The following KIAA1671 variants were observed in gnomAD, a reference collection of about 807,000 sequenced individuals.
KIAA1671 encodes KIAA1671.
In KIAA1671, 52 loss-of-function variants were observed where a neutral mutation model predicts 131.2. The ratio of observed to expected loss-of-function variants is 0.40; its 90% confidence interval spans 0.32 to 0.50. KIAA1671 has a LOEUF of 0.50. KIAA1671 is among the 20% of genes least tolerant of loss of function. The pLI, the probability that KIAA1671 is intolerant of heterozygous loss-of-function variation, is 0.73. For missense variants in KIAA1671, 2,360 were observed against 2,364.2 expected (o/e 1.00, Z 0.04); for synonymous variants, 1,003 against 961.6 (o/e 1.04, Z -0.80).
intron 1 of KIAA1671, among the ~76,000 whole-genome samples, chr22:25,019,631 C>T (rs1246225513): frequency 6.6e-6 from 1 of 150,870 alleles, no homozygotes; most frequent in East Asian, 1.9e-4. Context: ...TGTTCTCTTC[C>T]AGACCTCTGT....
chr22:25,055,700 T>C (rs1927792952), intron 6 of KIAA1671: 1 of 150,140 alleles, frequency 6.7e-6, no homozygotes, highest in Admixed American at 6.6e-5. Flanking sequence ...GGCAGAAATG[T>C]CCGTTCAAGT....
At chr22:25,100,939 A>G (rs542335813) in intron 6 of KIAA1671, among the ~76,000 whole-genome samples, 49 of 152,296 alleles carry the variant, frequency 3.2e-4, no homozygotes, top group African/African-American at 1.2e-3. Flanking sequence ...ATAATCTCGG[A>G]GTGTTGCTTA....
intron 6 of KIAA1671, among the ~76,000 whole-genome samples, chr22:25,066,243 G>A (rs1159931326): frequency 6.6e-6 from 1 of 152,086 alleles, no homozygotes; most frequent in Admixed American, 6.5e-5. Flanking sequence ...CAAACTCTTG[G>A]GCTTGAGCAA....
At chr22:25,072,218 G>T (rs968794809) in intron 6 of KIAA1671, among the ~76,000 whole-genome samples, 6 of 152,128 alleles carry the variant, frequency 3.9e-5, no homozygotes, top group African/African-American at 1.2e-4. Context: ...GGGCAGTAAT[G>T]CCCTCAGCCT....
intron 1 of KIAA1671, among the ~76,000 whole-genome samples, chr22:24,984,912 C>CAA (rs60969204): frequency 0.021 from 1,136 of 54,086 alleles, 52 homozygotes; most frequent in African/African-American, 0.057. Flanking sequence ...GACTACGTCT[C>CAA]AAAAAAAAAA....
chr22:25,099,537 GTTTTTTTGTTTTTTTTTT>G lies in KIAA1671; in HGVS notation c.4530+50181_4530+50198del, dbSNP rs1174891036. ...TATAAGTTTGTCTTTCAAAATGTGG[GTTTTTTTGTTTTTTTTTT>G]TTTTTTTTTTTTTTTTTTAGATAGA... On this transcript the variant is annotated intron_variant, in intron 6 of 12. Transcript: ENST00000358431. Among the ~76,000 whole-genome samples the G allele has an allele frequency of 3.8e-3, 425 of 112,138 alleles. 10 individuals carry two copies. The South Asian group carries it at 0.045, about 12-fold the overall frequency. The allele number at this position is 112,138 out of a possible 152,430, so 73.6% of individuals were successfully genotyped here.
chr22:25,144,993 C>T (rs1932855734), intron 6 of KIAA1671, among the ~76,000 whole-genome samples: 1 of 152,208 alleles, frequency 6.6e-6, no homozygotes, highest in Non-Finnish European at 1.5e-5. Flanking sequence ...CCCTTTTGCT[C>T]TCAGAGTCCT....
At chr22:25,110,629 C>T (rs1458300331) in intron 6 of KIAA1671, among the ~76,000 whole-genome samples, 1 of 152,202 alleles carries the variant, frequency 6.6e-6, no homozygotes. Flanking sequence ...CTGCTGCCCA[C>T]CCCCTTCTAA....
chr22:25,065,443 C>T (rs551969226), intron 6 of KIAA1671, among the ~76,000 whole-genome samples: 4 of 152,018 alleles, frequency 2.6e-5, no homozygotes, highest in Non-Finnish European at 1.5e-5. Context: ...CATAGGAATG[C>T]GGGCCACTTC....
At chr22:24,955,176 C>A (rs900707674) in intron 1 of KIAA1671, among the ~76,000 whole-genome samples, 15 of 152,224 alleles carry the variant, frequency 9.9e-5, no homozygotes, top group Non-Finnish European at 2.1e-4. Flanking sequence ...ACATCTCTGA[C>A]CAACTCAGAA....
chr22:25,188,117 A>G (rs1302432890), intron 11 of KIAA1671, among the ~76,000 whole-genome samples: 1 of 152,148 alleles, frequency 6.6e-6, no homozygotes, highest in East Asian at 1.9e-4. Context: ...TGGCTAACGC[A>G]GTGAAACCCC....
At chr22:25,149,680 C>T (rs1159041229) in intron 6 of KIAA1671, among the ~76,000 whole-genome samples, 1 of 152,198 alleles carries the variant, frequency 6.6e-6, no homozygotes, top group Non-Finnish European at 1.5e-5. Context: ...TCTGTGGCCT[C>T]TCACCTGGAC....
intron 6 of KIAA1671, among the ~76,000 whole-genome samples, chr22:25,078,121 A>G (rs1276268349): frequency 6.6e-6 from 1 of 152,196 alleles, no homozygotes; most frequent in Non-Finnish European, 1.5e-5. Context: ...CTGACTCCAA[A>G]GCTAATTTGA....
chr22:25,047,227 T>G (rs758543737), intron 5 of KIAA1671, among the ~76,000 whole-genome samples: 1 of 150,552 alleles, frequency 6.6e-6, no homozygotes, highest in Non-Finnish European at 1.5e-5. Context: ...CTCGGCTCAC[T>G]GCAACCTCCA....
At chr22:25,140,884 T>C (rs188072670) in intron 6 of KIAA1671, among the ~76,000 whole-genome samples, 84 of 152,334 alleles carry the variant, frequency 5.5e-4, no homozygotes, top group Admixed American at 2.1e-3. Flanking sequence ...TTCCAGCTCC[T>C]GGACAGGTCA....
Position 24,955,343 on chromosome 22 carries a change from A to G in KIAA1671, c.-208+2571A>G, listed in dbSNP as rs181081949. Among the ~76,000 whole-genome samples the G allele has an allele frequency of 1.5e-3, 222 of 152,270 alleles. 2 individuals carry two copies. The highest frequency in any genetic ancestry group is 5.0e-3 in the African/African-American group (209 of 41,538). On this transcript the variant is annotated intron_variant, in intron 1 of 12. Transcript: ENST00000358431. Reference sequence around the variant, plus strand: ...CCTGAAAGTCTTTGTGAACATATGCATTTGTCTGGAAGGGGAGAACTATGA... The same window carrying G: ...CCTGAAAGTCTTTGTGAACATATGCGTTTGTCTGGAAGGGGAGAACTATGA...
chr22:25,130,010 G>A (rs894900807), intron 6 of KIAA1671, among the ~76,000 whole-genome samples: 21 of 152,298 alleles, frequency 1.4e-4, no homozygotes, highest in African/African-American at 4.6e-4. Flanking sequence ...GGAGGCTGAG[G>A]CAGGACGTTC....
chr22:24,990,627 A>G (rs1923787294), intron 1 of KIAA1671, among the ~76,000 whole-genome samples: 1 of 152,254 alleles, frequency 6.6e-6, no homozygotes, highest in African/African-American at 2.4e-5. Flanking sequence ...TGACATGGAC[A>G]GGCCACCTCT....
intron 6 of KIAA1671, among the ~76,000 whole-genome samples, chr22:25,067,280 C>A (rs545148644): frequency 7.1e-6 from 1 of 141,562 alleles, no homozygotes; most frequent in African/African-American, 2.6e-5. Context: ...GACCTTTGAA[C>A]GTCTCTTTTT....
Sources: allele counts gnomAD v4.1 joint callset (sites outside exome capture counted in the v4.1 genomes callset), GRCh38; gene constraint gnomAD v4.1.1; transcripts MANE v1.5; gene names NCBI Gene and HGNC (gene_info 2026-07-23, HGNC 2026-07-21).